Variants in DNAH17 observed in about 807,000 individuals in gnomAD.
DNAH17 encodes dynein axonemal heavy chain 17.
A neutral mutation model predicts 485.6 loss-of-function variants in DNAH17; 376 were observed. The observed-to-expected ratio is 0.77, with a 90% CI of 0.71 to 0.84. The LOEUF is 0.84. Among genes scored for constraint, DNAH17 ranks in the 40% least tolerant of loss-of-function variants. The pLI is 0.00. For synonymous variants in DNAH17, 3,031 were observed against 2,405.9 expected, an observed-to-expected ratio of 1.26 and a Z score of -7.60; for missense variants, 6,370 against 5,839.3, an observed-to-expected ratio of 1.09 and a Z score of -2.96.
At chr17:78,524,062 G>A (rs749387588) in intron 25 of DNAH17, among the ~76,000 whole-genome samples, 4 of 152,276 alleles carry the variant, frequency 2.6e-5, no homozygotes, top group African/African-American at 4.8e-5. Context: ...TCCTTACCTC[G>A]TATTAGGAGG....
At chr17:78,501,402 A>G (rs548574341) in intron 34 of DNAH17, 58 bp from the exon 35 acceptor site, 1 of 1,531,292 alleles carries the variant, frequency 6.5e-7, no homozygotes, top group South Asian at 1.2e-5. Flanking sequence ...AGGGCTGCCT[A>G]AGGAAGGCCA....
intron 41 of DNAH17, among the ~76,000 whole-genome samples, chr17:78,493,638 A>G (rs2089953730): frequency 6.6e-6 from 1 of 152,230 alleles, no homozygotes; most frequent in Non-Finnish European, 1.5e-5. Flanking sequence ...CTTGGCTGGC[A>G]TGGAATTTTC....
chr17:78,434,663 G>C (rs1275984297), intron 74 of DNAH17, among the ~76,000 whole-genome samples: 2 of 152,036 alleles, frequency 1.3e-5, no homozygotes, highest in Non-Finnish European at 1.5e-5. Context: ...GGATGGGATA[G>C]AGGATGGGGG....
intron 9 of DNAH17, 111 bp from the exon 10 acceptor site, chr17:78,567,277 C>CA: frequency 9.0e-7 from 1 of 1,112,846 alleles, no homozygotes; most frequent in East Asian, 2.6e-5. Flanking sequence ...AAAATGTCCC[C>CA]AGGAGACACC....
intron 61 of DNAH17, 71 bp downstream of exon 61, chr17:78,458,930 A>G (rs923690402): frequency 1.3e-6 from 2 of 1,508,760 alleles, no homozygotes; most frequent in African/African-American, 1.4e-5. Context: ...CATTTTCAAC[A>G]GAGGTATTGA....
At chr17:78,548,747 A>AT (rs1199996876) in intron 16 of DNAH17, among the ~76,000 whole-genome samples, 1 of 152,240 alleles carries the variant, frequency 6.6e-6, no homozygotes, top group East Asian at 1.9e-4. Flanking sequence ...AGTTTGAGCC[A>AT]TTTTCTTTTC....
chr17:78,553,581 A>T (rs1243508220), intron 14 of DNAH17, among the ~76,000 whole-genome samples: 1 of 151,886 alleles, frequency 6.6e-6, no homozygotes, highest in East Asian at 1.9e-4. Context: ...GGTGTCAAGT[A>T]TTTCTTTATA....
Position 78,439,245 on chromosome 17 carries a change from C to A in DNAH17, c.11678-28G>T, listed in dbSNP as rs540425968. ...AAAGAAAAGAAAAACAGGAAAAAAA[C>A]ACCACGTAATTAAATGACACAGGTT... On this transcript the variant is annotated intron_variant, in intron 72 of 80. Transcript: ENST00000389840. 87 of 1,591,390 alleles carry A rather than the reference C, an allele frequency of 5.5e-5. 1 individual carries two copies. In the South Asian group the frequency reaches 5.5e-4, roughly 10 times the overall value.
At chr17:78,532,431 T>C in intron 20 of DNAH17, 51 bp downstream of exon 20, 1 of 1,554,346 alleles carries the variant, frequency 6.4e-7, no homozygotes. Flanking sequence ...GGTGATCCTC[T>C]CCTGGAAGAC....
intron 75 of DNAH17, 23 bp downstream of exon 75, chr17:78,434,006 A>G (rs2086780822): frequency 6.3e-7 from 1 of 1,584,064 alleles, no homozygotes; most frequent in Non-Finnish European, 8.6e-7. Context: ...ATGTCCAAGT[A>G]CAGGGCACAC....
chr17:78,567,204 A>T, intron 9 of DNAH17, 38 bp from the exon 10 acceptor site: 1 of 1,562,228 alleles, frequency 6.4e-7, no homozygotes, highest in Non-Finnish European at 8.7e-7. Context: ...TCATCTTCAC[A>T]ACCCAACTCA....
At position 78,526,566 on chromosome 17, in the gene DNAH17, T is replaced by C. The variant is rs2091079965; in HGVS notation, c.3711+85A>G. 4 of 1,232,026 alleles carry C rather than the reference T, an allele frequency of 3.2e-6. No homozygotes were observed. The South Asian group carries it at 6.0e-5, about 18-fold the overall frequency. 76.3% of individuals were successfully genotyped at this position (1,232,026 alleles called of 1,614,324 possible). A position where few individuals can be genotyped will look rare whatever the true frequency, so the allele number is the denominator to read the frequency against. On this transcript the variant is annotated intron_variant, in intron 24 of 80. Coordinates refer to ENST00000389840, the MANE Select transcript of DNAH17 (RefSeq NM_173628.4). ...GTCAGTCCGGCGGAGACCACGTTTC[T>C]GGACTTGAAAGGATAACTACTTGAG...
chr17:78,534,643 C>T lies in DNAH17; in HGVS notation c.2860-1907G>A, dbSNP rs140749987. 6.8e-3 allele frequency among the ~76,000 whole-genome samples: 1,038 copies of T among 152,332 alleles called. 9 individuals carry two copies. Among genetic ancestry groups the T allele is most frequent in the Admixed American group, 0.012 (178 of 15,304 alleles). The stretch of plus-strand genomic sequence containing the variant: ...TGTAACTTCCAGGCATCTACCTGCT[C>T]CAGCTGAGATTGTCCCCTGCAGTCC... On this transcript the variant is annotated intron_variant, in intron 19 of 80. Transcript: ENST00000389840.
At chr17:78,485,089 A>C in intron 47 of DNAH17, 56 bp from the exon 48 acceptor site, 1 of 1,525,886 alleles carries the variant, frequency 6.6e-7, no homozygotes, top group Non-Finnish European at 8.8e-7. Flanking sequence ...AGAGCCTGTT[A>C]GGTAGGGAGG....
chr17:78,499,304 G>A (rs770928341), intron 36 of DNAH17, 192 bp from the exon 37 acceptor site: 22 of 421,934 alleles, frequency 5.2e-5, no homozygotes, highest in Non-Finnish European at 7.9e-5. Flanking sequence ...TGGAGGGCTG[G>A]ACACGAGGAA....
Position 78,559,683 on chromosome 17 carries a change from C to T in DNAH17, c.2031+1057G>A, listed in dbSNP as rs562731043. Among the ~76,000 whole-genome samples, 3 of 152,312 alleles carry T rather than the reference C, an allele frequency of 2.0e-5. No individual in the cohort carries two copies. The East Asian group carries it at 5.8e-4, about 29-fold the overall frequency. ...TCCTTTACAACTAGAAATCTAATCGCAGCACACCTCTGTCTGACACCCTGC... is the reference window on the plus strand; with the variant it reads ...TCCTTTACAACTAGAAATCTAATCGTAGCACACCTCTGTCTGACACCCTGC... On this transcript the variant is annotated intron_variant, in intron 13 of 80. Transcript: ENST00000389840.
At chr17:78,427,528 C>A (rs909299193) in intron 77 of DNAH17, among the ~76,000 whole-genome samples, 3 of 152,208 alleles carry the variant, frequency 2.0e-5, no homozygotes, top group African/African-American at 7.2e-5. Flanking sequence ...GTCACCTGCA[C>A]CACCGTCTGT....
chr17:78,466,746 T>C lies in DNAH17; in HGVS notation c.8849A>G (p.Asn2950Ser). ...GTGGAACCAGTCGATGGCCGTGCAG[T>C]TGACCACAGCTGGGAACTTTCTGGC... Reference protein sequence around the residue: ...VRARKFPAVVNCTAIDWFHEW... With the variant: ...VRARKFPAVVSCTAIDWFHEW... Residue 2950 changes from asparagine to serine, a missense_variant, in exon 56 of 81, where the codon AAC (asparagine) becomes AGC (serine). By Grantham distance (46) the Asn-to-Ser change is conservative (BLOSUM62 1). Coordinates refer to ENST00000389840, the MANE Select transcript of DNAH17 (RefSeq NM_173628.4). 6.2e-7 allele frequency: 1 copy of C among 1,612,674 alleles called. No individual in the cohort carries two copies.
chr17:78,561,027 C>T (rs528476560), intron 12 of DNAH17, 92 bp from the exon 13 acceptor site: 45 of 1,270,920 alleles, frequency 3.5e-5, no homozygotes, highest in South Asian at 2.0e-4. Flanking sequence ...TCTGGGGTGC[C>T]GAAGCGGCCG....
Sources: allele counts gnomAD v4.1 joint callset (sites outside exome capture counted in the v4.1 genomes callset), GRCh38; gene constraint gnomAD v4.1.1; transcripts MANE v1.5; gene names NCBI Gene and HGNC (gene_info 2026-07-23, HGNC 2026-07-21).